The following CCDC6 variants were observed in gnomAD, a reference collection of about 807,000 sequenced individuals.
CCDC6 encodes coiled-coil domain-containing protein 6.
A neutral mutation model predicts 56.6 loss-of-function variants in CCDC6; 20 were observed. The ratio of observed to expected loss-of-function variants is 0.35; its 90% confidence interval spans 0.25 to 0.51. CCDC6 has a LOEUF of 0.51. Ranked by LOEUF, CCDC6 falls within the 20% of genes least tolerant of loss-of-function variation. The pLI is 0.95. For missense variants in CCDC6, 367 were observed against 601.1 expected, an observed-to-expected ratio of 0.61 and a Z score of 4.07; for synonymous variants, 241 against 234.4, an observed-to-expected ratio of 1.03 and a Z score of -0.26.
chr10:59,830,248 T>G (rs755430496), intron 3 of CCDC6, among the ~76,000 whole-genome samples: 1 of 152,178 alleles, frequency 6.6e-6, no homozygotes, highest in Non-Finnish European at 1.5e-5. Context: ...GACAATAATA[T>G]AGAGTACAGG....
chr10:59,876,765 T>A (rs1165995207), intron 1 of CCDC6, among the ~76,000 whole-genome samples: 1 of 152,196 alleles, frequency 6.6e-6, no homozygotes, highest in Non-Finnish European at 1.5e-5. Flanking sequence ...GCAGAGTTTA[T>A]CTCAGCAGTA....
chr10:59,865,657 T>C (rs1589054397), intron 1 of CCDC6, among the ~76,000 whole-genome samples: 1 of 151,564 alleles, frequency 6.6e-6, no homozygotes, highest in South Asian at 2.1e-4. Context: ...ATAGAGACCA[T>C]CCTGGCCAAC....
chr10:59,843,439 C>T (rs997556493), intron 2 of CCDC6, among the ~76,000 whole-genome samples: 3 of 152,214 alleles, frequency 2.0e-5, no homozygotes, highest in Admixed American at 6.5e-5. Flanking sequence ...TGAATGTCTA[C>T]AAGAAAAGTG....
At chr10:59,886,484 T>A (rs2071384191) in intron 1 of CCDC6, among the ~76,000 whole-genome samples, 1 of 152,234 alleles carries the variant, frequency 6.6e-6, no homozygotes, top group South Asian at 2.1e-4. Context: ...CATCGCTACT[T>A]CTACACACTC....
At chr10:59,798,613 G>A (rs951545945) in intron 7 of CCDC6, among the ~76,000 whole-genome samples, 9 of 152,156 alleles carry the variant, frequency 5.9e-5, no homozygotes, top group Non-Finnish European at 1.0e-4. Flanking sequence ...GGAAAAGAAA[G>A]AAGTTGTTTT....
At chr10:59,817,259 T>C (rs1242125307) in intron 3 of CCDC6, among the ~76,000 whole-genome samples, 1 of 152,156 alleles carries the variant, frequency 6.6e-6, no homozygotes, top group Non-Finnish European at 1.5e-5. Context: ...TGGATCACTG[T>C]AGCCTTAACC....
At chr10:59,834,563 A>C (rs1302233762) in intron 2 of CCDC6, among the ~76,000 whole-genome samples, 1 of 140,858 alleles carries the variant, frequency 7.1e-6, no homozygotes, top group Non-Finnish European at 1.5e-5. Context: ...ACTCTGTCTC[A>C]AAAAAGAAAA....
At chr10:59,852,421 A>G (rs2071047632) in intron 2 of CCDC6, 132 bp downstream of exon 2, 1 of 675,762 alleles carries the variant, frequency 1.5e-6, no homozygotes, top group Non-Finnish European at 2.3e-6. Context: ...CTTACCTGGT[A>G]TTTTGAATCT....
chr10:59,832,409 G>T, intron 3 of CCDC6, 116 bp downstream of exon 3: 4 of 884,226 alleles, frequency 4.5e-6, no homozygotes, highest in East Asian at 2.5e-5. Flanking sequence ...TCTCCACAGT[G>T]GGGAGAGAAA....
intron 3 of CCDC6, among the ~76,000 whole-genome samples, chr10:59,827,502 ATACAAATAAGAAT>A (rs60001517): frequency 0.17 from 26,417 of 152,140 alleles, 3,083 homozygotes; most frequent in African/African-American, 0.33. Flanking sequence ...TCCCCAAAAT[ATACAAATAAGAAT>A]TGCAACTGCT....
chr10:59,852,424 T>C (rs1350425175), intron 2 of CCDC6, 129 bp downstream of exon 2: 1 of 708,878 alleles, frequency 1.4e-6, no homozygotes, highest in Non-Finnish European at 2.2e-6. Flanking sequence ...ACCTGGTATT[T>C]TGAATCTCCA....
chr10:59,818,292 T>C (rs1589039541), intron 3 of CCDC6, among the ~76,000 whole-genome samples: 1 of 152,032 alleles, frequency 6.6e-6, no homozygotes, highest in South Asian at 2.1e-4. Flanking sequence ...CTGGCATCTG[T>C]TGGTAGAGTT....
intron 3 of CCDC6, among the ~76,000 whole-genome samples, chr10:59,829,908 A>G (rs1271298762): frequency 2.0e-5 from 3 of 152,204 alleles, no homozygotes; most frequent in Non-Finnish European, 4.4e-5. Context: ...TGTAAATTAC[A>G]TCTCACTAGG....
chr10:59,848,589 G>C lies in CCDC6; in HGVS notation c.453+3964C>G, dbSNP rs751829137. Among the ~76,000 whole-genome samples the C allele has an allele frequency of 5.3e-5, 8 of 152,228 alleles. No individual in the cohort carries two copies. In the East Asian group the frequency reaches 1.4e-3, roughly 26 times the overall value. Reference sequence around the variant, plus strand: ...GCTACCTGGAAGGTGAACTGAGATCGCACCATTGCACTCCAGCCTAGGTGA... The same window carrying C: ...GCTACCTGGAAGGTGAACTGAGATCCCACCATTGCACTCCAGCCTAGGTGA... On this transcript the variant is annotated intron_variant, in intron 2 of 8. Coordinates refer to ENST00000263102, the MANE Select transcript of CCDC6 (RefSeq NM_005436.5).
At chr10:59,867,026 T>C (rs1038836726) in intron 1 of CCDC6, among the ~76,000 whole-genome samples, 5 of 152,184 alleles carry the variant, frequency 3.3e-5, no homozygotes, top group Admixed American at 6.5e-5. Flanking sequence ...GTAGAATACA[T>C]ATTCCCTGAT....
chr10:59,795,692 G>A (rs1375725695), intron 7 of CCDC6, among the ~76,000 whole-genome samples: 1 of 138,048 alleles, frequency 7.2e-6, no homozygotes, highest in Non-Finnish European at 1.5e-5. Context: ...TGTTCTCATT[G>A]TTCAATTCCC....
chr10:59,845,991 T>C (rs1408192214), intron 2 of CCDC6, among the ~76,000 whole-genome samples: 3 of 152,194 alleles, frequency 2.0e-5, no homozygotes, highest in Non-Finnish European at 2.9e-5. Context: ...AATAATTTCA[T>C]TGCCAACTTA....
chr10:59,844,891 T>C (rs764853672), intron 2 of CCDC6, among the ~76,000 whole-genome samples: 7 of 152,182 alleles, frequency 4.6e-5, no homozygotes, highest in Non-Finnish European at 8.8e-5. Flanking sequence ...TGAGGCATTA[T>C]TGAAAATTAC....
At chr10:59,824,844 G>GA (rs892607779) in intron 3 of CCDC6, among the ~76,000 whole-genome samples, 3 of 151,670 alleles carry the variant, frequency 2.0e-5, no homozygotes, top group Non-Finnish European at 2.9e-5. Context: ...CGTTTGATTT[G>GA]AAAAAAAATT....
Sources: gnomAD v4.1 joint callset for allele counts (sites outside exome capture counted in the v4.1 genomes callset) on GRCh38, gnomAD v4.1.1 for gene constraint, MANE v1.5 for transcripts, NCBI Gene and HGNC (gene_info 2026-07-23, HGNC 2026-07-21) for gene names.